The following FHIT variants were observed in gnomAD, a reference collection of about 807,000 sequenced individuals.
The protein encoded by FHIT is fragile histidine triad diadenosine triphosphatase, also known as bis(5'-adenosyl)-triphosphatase.
A neutral mutation model predicts 17.9 loss-of-function variants in FHIT; 19 were observed. That is an observed-to-expected ratio of 1.06 (90% CI 0.74 to 1.56). The LOEUF (loss-of-function observed/expected upper bound fraction) is 1.56, where lower values mean the gene tolerates loss of function less well. Among genes scored for constraint, FHIT ranks in the 40% most tolerant of loss-of-function variants. The pLI, the probability that FHIT is intolerant of heterozygous loss-of-function variation, is 0.00. For synonymous variants in FHIT, 81 were observed against 69.7 expected, an observed-to-expected ratio of 1.16 and a Z score of -0.81; for missense variants, 248 against 189.2, an observed-to-expected ratio of 1.31 and a Z score of -1.82.
intron 7 of FHIT, among the ~76,000 whole-genome samples, chr3:59,971,914 G>A (rs1376907713): frequency 6.6e-6 from 1 of 152,188 alleles, no homozygotes; most frequent in East Asian, 1.9e-4. Flanking sequence ...ACCAACGTCA[G>A]TGCCTTATTC....
intron 4 of FHIT, among the ~76,000 whole-genome samples, chr3:60,542,815 A>C (rs2036228195): frequency 6.6e-6 from 1 of 152,166 alleles, no homozygotes; most frequent in South Asian, 2.1e-4. Context: ...TCTCCGAACA[A>C]ATCCCTCTCT....
chr3:60,628,365 A>T (rs1341222404), intron 4 of FHIT, among the ~76,000 whole-genome samples: 2 of 152,202 alleles, frequency 1.3e-5, no homozygotes, highest in Non-Finnish European at 2.9e-5. Context: ...AGCATGTGGT[A>T]TATTTGGAAA....
intron 2 of FHIT, among the ~76,000 whole-genome samples, chr3:61,097,165 T>C (rs2365055): frequency 0.62 from 92,975 of 150,888 alleles, 29,645 homozygotes; most frequent in Middle Eastern, 0.72. Flanking sequence ...GCGTGAGCGA[T>C]GCAGAAGATG....
intron 1 of FHIT, among the ~76,000 whole-genome samples, chr3:61,223,374 CCAGA>C (rs2039889302): frequency 6.6e-6 from 1 of 152,146 alleles, no homozygotes; most frequent in Non-Finnish European, 1.5e-5. Flanking sequence ...CCAGTTCCAC[CCAGA>C]CAGACCAAAT....
intron 5 of FHIT, among the ~76,000 whole-genome samples, chr3:60,173,673 C>G (rs1183508299): frequency 1.3e-5 from 2 of 151,500 alleles, no homozygotes; most frequent in East Asian, 3.9e-4. Flanking sequence ...TCCGGGGCTG[C>G]AGAATTTTGG....
chr3:59,780,822 T>C (rs1448072443), intron 8 of FHIT, among the ~76,000 whole-genome samples: 3 of 152,170 alleles, frequency 2.0e-5, no homozygotes, highest in Admixed American at 2.0e-4. Context: ...AATGTTTCTG[T>C]TTAACCCGTT....
chr3:60,561,863 C>T (rs957405139), intron 4 of FHIT, among the ~76,000 whole-genome samples: 1 of 150,074 alleles, frequency 6.7e-6, no homozygotes, highest in Admixed American at 6.7e-5. Context: ...TTTTATTGCC[C>T]AGACTCTGGG....
intron 1 of FHIT, among the ~76,000 whole-genome samples, chr3:61,238,253 CA>C (rs2040281392): frequency 1.3e-5 from 2 of 152,174 alleles, no homozygotes. Context: ...CTGTAGATTT[CA>C]CTTGCATATA....
At chr3:61,153,644 A>G (rs1158649337) in intron 2 of FHIT, among the ~76,000 whole-genome samples, 1 of 152,202 alleles carries the variant, frequency 6.6e-6, no homozygotes, top group Non-Finnish European at 1.5e-5. Flanking sequence ...AGGTAAAGAT[A>G]TACCTGAGTA....
At chr3:61,164,074 GGA>G (rs1176255768) in intron 2 of FHIT, among the ~76,000 whole-genome samples, 1 of 152,166 alleles carries the variant, frequency 6.6e-6, no homozygotes, top group Non-Finnish European at 1.5e-5. Context: ...AGAAGGAAAA[GGA>G]GAGACTGCAT....
intron 8 of FHIT, among the ~76,000 whole-genome samples, chr3:59,898,317 A>G (rs1704165000): frequency 6.6e-6 from 1 of 152,014 alleles, no homozygotes; most frequent in African/African-American, 2.4e-5. Context: ...TTCCCAATCC[A>G]AAAAAAATCT....
rs576847684 is a variant in FHIT at position 60,730,686 on chromosome 3, G to C, written c.-18+91233C>G. 542 of 152,544 alleles carry C rather than the reference G, an allele frequency of 3.6e-3. 2 individuals carry two copies. The highest frequency in any genetic ancestry group is 5.6e-3 in the Admixed American group (86 of 15,302). 9.4% of individuals were successfully genotyped at this position (152,544 alleles called of 1,614,324 possible). ...GCCAGGACTCGCACTGCGGCCTCCA[G>C]AGCCACTGCCGCCATCACCACCCTA... On this transcript the variant is annotated intron_variant, in intron 4 of 9. Transcript: ENST00000492590.
chr3:59,819,121 T>C (rs1700704445), intron 8 of FHIT, among the ~76,000 whole-genome samples: 1 of 152,252 alleles, frequency 6.6e-6, no homozygotes, highest in African/African-American at 2.4e-5. Flanking sequence ...AGTTTAAACA[T>C]AGATCTTTTA....
intron 7 of FHIT, among the ~76,000 whole-genome samples, chr3:59,980,254 C>G (rs548768474): frequency 6.6e-6 from 1 of 152,248 alleles, no homozygotes; most frequent in South Asian, 2.1e-4. Flanking sequence ...TCTCTGCCAA[C>G]TGTAAGGCAG....
chr3:60,159,217 C>A (rs1350551142), intron 5 of FHIT, among the ~76,000 whole-genome samples: 1 of 152,062 alleles, frequency 6.6e-6, no homozygotes, highest in African/African-American at 2.4e-5. Flanking sequence ...ACCTCCTGGG[C>A]TCAGATGATC....
chr3:61,171,605 A>G (rs2038007185), intron 2 of FHIT, among the ~76,000 whole-genome samples: 1 of 152,208 alleles, frequency 6.6e-6, no homozygotes, highest in Non-Finnish European at 1.5e-5. Flanking sequence ...AAAAGACACC[A>G]CTATTGGCCA....
intron 5 of FHIT, among the ~76,000 whole-genome samples, chr3:60,217,147 A>G (rs918028086): frequency 6.6e-6 from 1 of 152,204 alleles, no homozygotes; most frequent in African/African-American, 2.4e-5. Context: ...TTAAAATGCG[A>G]TGATTCTGAA....
chr3:60,451,198 C>A (rs2031720325), intron 5 of FHIT, among the ~76,000 whole-genome samples: 1 of 151,898 alleles, frequency 6.6e-6, no homozygotes, highest in Non-Finnish European at 1.5e-5. Context: ...TTATCAGGGG[C>A]CCAGTGCTCC....
At chr3:60,474,170 G>A (rs2033230562) in intron 5 of FHIT, among the ~76,000 whole-genome samples, 1 of 152,172 alleles carries the variant, frequency 6.6e-6, no homozygotes, top group Non-Finnish European at 1.5e-5. Context: ...AGAGGGCAGG[G>A]AGGGTCAACC....
Sources: allele counts gnomAD v4.1 joint callset (sites outside exome capture counted in the v4.1 genomes callset), GRCh38; gene constraint gnomAD v4.1.1; transcripts MANE v1.5; gene names NCBI Gene and HGNC (gene_info 2026-07-23, HGNC 2026-07-21).